The following NCOA1 variants were observed in gnomAD, a reference collection of about 807,000 sequenced individuals.
NCOA1 encodes nuclear receptor coactivator 1.
Under a neutral mutation model 150.9 loss-of-function variants are expected in NCOA1, and 35 were observed. The ratio of observed to expected loss-of-function variants is 0.23; its 90% CI spans 0.18 to 0.31. The LOEUF is 0.31. Among genes scored for constraint, NCOA1 ranks in the 10% least tolerant of loss-of-function variants. The pLI is 1.00. For synonymous variants in NCOA1, 590 were observed against 630.0 expected, an observed-to-expected ratio of 0.94 and a Z score of 0.95; for missense variants, 1,491 against 1,749.3, an observed-to-expected ratio of 0.85 and a Z score of 2.63.
chr2:24,511,776 T>C (rs975999699), intron 1 of NCOA1, among the ~76,000 whole-genome samples: 3 of 152,228 alleles, frequency 2.0e-5, no homozygotes. Context: ...TGGTGCCATA[T>C]TGAAGAAACC....
chr2:24,666,068 G>A (rs1470960176), intron 6 of NCOA1, among the ~76,000 whole-genome samples, 153 bp downstream of exon 6: 1 of 151,644 alleles, frequency 6.6e-6, no homozygotes, highest in Non-Finnish European at 1.5e-5. Context: ...CTGGAGTGCA[G>A]TGGTGCGATC....
intron 8 of NCOA1, among the ~76,000 whole-genome samples, chr2:24,683,565 G>A (rs1672272749): frequency 6.6e-6 from 1 of 152,210 alleles, no homozygotes; most frequent in African/African-American, 2.4e-5. Context: ...GGTTGGATGG[G>A]CTATTCGCTG....
At chr2:24,516,943 C>T (rs577871245) in intron 1 of NCOA1, among the ~76,000 whole-genome samples, 4 of 116,846 alleles carry the variant, frequency 3.4e-5, no homozygotes, top group Non-Finnish European at 5.2e-5. Context: ...TATATATATA[C>T]GTATATATAC....
intron 1 of NCOA1, among the ~76,000 whole-genome samples, chr2:24,531,055 T>G (rs556689489): frequency 6.6e-6 from 1 of 152,272 alleles, no homozygotes; most frequent in African/African-American, 2.4e-5. Context: ...CCCACACCCA[T>G]TAGGTTAGCT....
At chr2:24,645,859 G>T (rs548851502) in intron 4 of NCOA1, among the ~76,000 whole-genome samples, 101 of 152,136 alleles carry the variant, frequency 6.6e-4, no homozygotes, top group Non-Finnish European at 1.3e-3. Context: ...AGCAATAAAT[G>T]AATTAAGTAT....
Position 24,628,735 on chromosome 2 carries a change from G to T in NCOA1, c.-174-15231G>T, listed in dbSNP as rs550910608. 2.0e-5 allele frequency among the ~76,000 whole-genome samples: 3 copies of T among 152,300 alleles called. No individual in the cohort carries two copies. In the South Asian group the frequency reaches 6.2e-4, roughly 32 times the overall value. On this transcript the variant is annotated intron_variant, in intron 3 of 22. Coordinates refer to ENST00000348332, the MANE Select transcript of NCOA1 (RefSeq NM_003743.5). ...AACAATGAATAGGAATTGGATAGAT[G>T]AAGAAGGTATGAGGGATTATTCACA...
At chr2:24,726,350 C>G (rs1164822846) in intron 14 of NCOA1, among the ~76,000 whole-genome samples, 1 of 151,936 alleles carries the variant, frequency 6.6e-6, no homozygotes, top group African/African-American at 2.4e-5. Flanking sequence ...ATAACAGTAA[C>G]CTATGTACAA....
intron 10 of NCOA1, among the ~76,000 whole-genome samples, chr2:24,695,383 G>A (rs1046222559): frequency 2.6e-5 from 4 of 152,074 alleles, no homozygotes; most frequent in Non-Finnish European, 2.9e-5. Context: ...GCCCTTTGCC[G>A]AGAATGGACA....
intron 17 of NCOA1, among the ~76,000 whole-genome samples, chr2:24,737,934 G>C (rs1200167611): frequency 6.6e-6 from 1 of 152,018 alleles, no homozygotes; most frequent in Non-Finnish European, 1.5e-5. Flanking sequence ...TTATGTTCCT[G>C]GTCTTTCAAG....
At position 24,658,688 on chromosome 2, in the gene NCOA1, T is replaced by G. The variant is rs886797543; in HGVS notation, c.11T>G (p.Leu4Arg). 6.2e-7 allele frequency: 1 copy of G among 1,614,050 alleles called. No homozygotes were observed. Among genetic ancestry groups the G allele is most frequent in the Admixed American group, 1.7e-5 (1 of 60,004 alleles). The change falls in exon 5 of 23, where the codon CTC becomes CGC. Residue 4 changes from leucine to arginine, a missense_variant. Around this residue, in one of 8 missense-constraint regions of NCOA1, gnomAD observed 40 missense variants for 39.6 expected, o/e 1.01. Transcript: ENST00000348332. MSG[L>R]GDSSSDPANP... is the part of the protein sequence containing the mutation. ...GTGAAGTTTTTCAACATGAGTGGCC[T>G]CGGGGACAGTTCATCCGACCCTGCT...
chr2:24,536,663 A>T (rs1665157672), intron 1 of NCOA1, among the ~76,000 whole-genome samples: 1 of 151,954 alleles, frequency 6.6e-6, no homozygotes, highest in South Asian at 2.1e-4. Context: ...GTTGATGTTG[A>T]TGCTATTCCT....
chr2:24,760,306 A>ATTTTTTTTTTTTTTTTTT (rs70947842), intron 21 of NCOA1, among the ~76,000 whole-genome samples: 3 of 99,740 alleles, frequency 3.0e-5, no homozygotes, highest in Non-Finnish European at 3.9e-5. Context: ...TGCCCGGCTA[A>ATTTTTTTTTTTTTTTTTT]TTTTTTTTTT....
At chr2:24,580,469 G>A (rs568260534) in intron 2 of NCOA1, among the ~76,000 whole-genome samples, 1 of 152,198 alleles carries the variant, frequency 6.6e-6, no homozygotes, top group East Asian at 1.9e-4. Flanking sequence ...TTTTTTCTCT[G>A]TTGTTTAGAC....
At chr2:24,762,889 C>G in intron 22 of NCOA1, 113 bp downstream of exon 22, 1 of 885,186 alleles carries the variant, frequency 1.1e-6, no homozygotes, top group Non-Finnish European at 1.8e-6. Flanking sequence ...GGTGTGAGTC[C>G]TGGCTCTGCT....
chr2:24,599,399 T>C (rs1307779026), intron 3 of NCOA1, among the ~76,000 whole-genome samples: 1 of 152,202 alleles, frequency 6.6e-6, no homozygotes, highest in Non-Finnish European at 1.5e-5. Context: ...ATATCAGATA[T>C]ATCACATAAA....
In NCOA1 at chr2:24,644,025, A is replaced by G. The variant is rs1203413599; in HGVS notation, c.-115A>G. 2 of 152,212 alleles carry G rather than the reference A, an allele frequency of 1.3e-5. No individual in the cohort carries two copies. Among genetic ancestry groups the G allele is most frequent in the African/African-American group, 2.4e-5 (1 of 41,456 alleles). 9.4% of individuals were successfully genotyped at this position (152,212 alleles called of 1,614,324 possible). On this transcript the variant is annotated 5_prime_UTR_variant, in exon 4 of 23. Transcript: ENST00000348332. ...TGAAGAGACTAGAGCCATCTCTGGAAAACATCATTATCCCATTCCCCGGGA... is the reference window on the plus strand; with the variant it reads ...TGAAGAGACTAGAGCCATCTCTGGAGAACATCATTATCCCATTCCCCGGGA...
At chr2:24,604,142 A>G (rs1186569751) in intron 3 of NCOA1, among the ~76,000 whole-genome samples, 2 of 152,180 alleles carry the variant, frequency 1.3e-5, no homozygotes, top group Non-Finnish European at 2.9e-5. Context: ...AGGTCTTAAC[A>G]TTGGGCTTAA....
At chr2:24,623,922 C>T (rs1669288044) in intron 3 of NCOA1, among the ~76,000 whole-genome samples, 5 of 152,168 alleles carry the variant, frequency 3.3e-5, no homozygotes, top group African/African-American at 1.2e-4. Context: ...GTTAGAACTT[C>T]ACATATAAAC....
intron 1 of NCOA1, among the ~76,000 whole-genome samples, chr2:24,538,903 G>C (rs1012071884): frequency 6.6e-6 from 1 of 152,200 alleles, no homozygotes; most frequent in Non-Finnish European, 1.5e-5. Context: ...ACATGACAGC[G>C]TAGTGATACA....
Sources: allele counts gnomAD v4.1 joint callset (sites outside exome capture counted in the v4.1 genomes callset), GRCh38; gene constraint gnomAD v4.1.1; regional missense constraint gnomAD v4.1.1; transcripts MANE v1.5; gene names NCBI Gene and HGNC (gene_info 2026-07-23, HGNC 2026-07-21).